NGEF: variants seen among roughly 807,000 people sequenced by gnomAD.
NGEF encodes the protein neuronal guanine nucleotide exchange factor.
In NGEF, 31 loss-of-function variants were observed where a neutral mutation model predicts 80.9. That is an observed-to-expected ratio of 0.38 (90% CI 0.29 to 0.52). The LOEUF (loss-of-function observed/expected upper bound fraction) is 0.52. Among genes scored for constraint, NGEF ranks in the 20% least tolerant of loss-of-function variants. The probability of loss-of-function intolerance (pLI) is 0.84; values close to 1 mark genes in which losing one functional copy is unlikely to be tolerated. For missense variants in NGEF, 709 were observed against 926.2 expected (o/e 0.77, Z 3.04); for synonymous variants, 371 against 370.2 (o/e 1.00, Z -0.03).
chr2:232,906,991 G>A (rs567331965), intron 5 of NGEF, among the ~76,000 whole-genome samples: 12 of 150,672 alleles, frequency 8.0e-5, no homozygotes, highest in African/African-American at 2.2e-4. Flanking sequence ...CAGCATGCTC[G>A]TTAAGAGTCA....
intron 2 of NGEF, among the ~76,000 whole-genome samples, chr2:232,974,208 A>G (rs1574647448): frequency 6.6e-6 from 1 of 152,322 alleles, no homozygotes; most frequent in East Asian, 1.9e-4. Flanking sequence ...ATTTATTTTC[A>G]GAGCAGCAGA....
chr2:232,906,039 CCCGGCCAGCCGCCCCGT>C (rs1331285309), intron 5 of NGEF, among the ~76,000 whole-genome samples: 2 of 129,302 alleles, frequency 1.5e-5, no homozygotes, highest in Non-Finnish European at 3.3e-5. Flanking sequence ...CAGCCCCCCG[CCCGGCCAGCCGCCCCGT>C]CCGGGAGGGA....
chr2:232,965,392 G>A lies in NGEF; in HGVS notation c.383+4822C>T, dbSNP rs969044418. On this transcript the variant is annotated intron_variant, in intron 3 of 14. Coordinates refer to ENST00000264051, the MANE Select transcript of NGEF (RefSeq NM_019850.3). ...ACCAGAGATGCTCAAAATCAGCCGC[G>A]ACACTTTGCATCAGGGACCCAGTAT... 3.3e-5 allele frequency among the ~76,000 whole-genome samples: 5 copies of A among 152,172 alleles called. No homozygotes were observed. The East Asian group carries it at 5.8e-4, about 18-fold the overall frequency.
intron 3 of NGEF, among the ~76,000 whole-genome samples, chr2:232,933,112 A>G (rs1693250599): frequency 5.4e-5 from 1 of 18,662 alleles, no homozygotes; most frequent in Admixed American, 5.5e-4. Context: ...TCCATCTCAA[A>G]AATAAATAAA....
rs1057158243 is a variant in NGEF at position 232,913,649 on chromosome 2, G to A, written c.828+6635C>T. ...TTAAAATAATTTTGTAGCCGGGCGC[G>A]GTGACTCACACCTGTAATCCCAGCA... On this transcript the variant is annotated intron_variant, in intron 5 of 14. Coordinates refer to ENST00000264051, the MANE Select transcript of NGEF (RefSeq NM_019850.3). 4.6e-5 allele frequency among the ~76,000 whole-genome samples: 7 copies of A among 152,052 alleles called. No homozygotes were observed. The East Asian group carries it at 5.8e-4, about 13-fold the overall frequency.
At chr2:233,010,394 G>A (rs544134612) in intron 1 of NGEF, among the ~76,000 whole-genome samples, 10 of 152,174 alleles carry the variant, frequency 6.6e-5, no homozygotes, top group Non-Finnish European at 1.5e-4. Context: ...TTTCAAGGTA[G>A]TAATGCTTGC....
chr2:232,888,885 A>AT (rs1231428696), intron 8 of NGEF, among the ~76,000 whole-genome samples: 1 of 152,212 alleles, frequency 6.6e-6, no homozygotes, highest in Non-Finnish European at 1.5e-5. Flanking sequence ...GTAAATTACG[A>AT]TTTTGACATT....
chr2:232,962,782 T>C (rs551842921), intron 3 of NGEF, among the ~76,000 whole-genome samples: 1 of 151,926 alleles, frequency 6.6e-6, no homozygotes, highest in African/African-American at 2.4e-5. Context: ...AAAGAATATC[T>C]ACATCAATGA....
intron 3 of NGEF, among the ~76,000 whole-genome samples, chr2:232,954,885 G>A (rs1372838232): frequency 6.6e-6 from 1 of 152,124 alleles, no homozygotes. Flanking sequence ...GGGAACAGCA[G>A]GTGCAAAGGG....
intron 8 of NGEF, among the ~76,000 whole-genome samples, chr2:232,888,420 A>G (rs1202531713): frequency 6.6e-6 from 1 of 152,172 alleles, no homozygotes; most frequent in Non-Finnish European, 1.5e-5. Flanking sequence ...GCATGCACAC[A>G]CGTGCATACA....
At chr2:232,916,171 A>G (rs183041513) in intron 5 of NGEF, among the ~76,000 whole-genome samples, 1 of 152,394 alleles carries the variant, frequency 6.6e-6, no homozygotes, top group East Asian at 1.9e-4. Flanking sequence ...TTATCCAAAA[A>G]GAAGATGCCA....
intron 5 of NGEF, among the ~76,000 whole-genome samples, chr2:232,907,135 G>A (rs1433631967): frequency 1.6e-4 from 19 of 118,450 alleles, no homozygotes; most frequent in African/African-American, 5.2e-4. Flanking sequence ...CCCCCTCTGC[G>A]AGAAACACCC....
chr2:232,926,817 A>AGGTTTGCTAATCTCTCC (rs1409688494), intron 4 of NGEF, among the ~76,000 whole-genome samples: 1 of 152,224 alleles, frequency 6.6e-6, no homozygotes, highest in African/African-American at 2.4e-5. Flanking sequence ...CTCCGCAGAG[A>AGGTTTGCTAATCTCTCC]GCAGGACAGA....
intron 1 of NGEF, among the ~76,000 whole-genome samples, chr2:232,996,231 G>A (rs976149176): frequency 3.3e-5 from 5 of 152,128 alleles, no homozygotes; most frequent in African/African-American, 1.2e-4. Flanking sequence ...GGGAGGCTGA[G>A]GCACGAGAAT....
At chr2:232,992,344 A>C (rs1694668398) in intron 1 of NGEF, among the ~76,000 whole-genome samples, 2 of 151,822 alleles carry the variant, frequency 1.3e-5, no homozygotes, top group African/African-American at 4.8e-5. Flanking sequence ...TATCACTTGA[A>C]GTCAGGAGTT....
chr2:232,971,244 T>G (rs1231705032), intron 2 of NGEF, among the ~76,000 whole-genome samples: 1 of 152,116 alleles, frequency 6.6e-6, no homozygotes, highest in African/African-American at 2.4e-5. Flanking sequence ...TTTTGTCTGC[T>G]CCTTCTCTTC....
At chr2:232,936,116 C>T (rs1481643162) in intron 3 of NGEF, among the ~76,000 whole-genome samples, 1 of 152,122 alleles carries the variant, frequency 6.6e-6, no homozygotes, top group Non-Finnish European at 1.5e-5. Context: ...CCACCTCTGT[C>T]GCTGCAGCAG....
chr2:232,953,837 C>T (rs1693736035), intron 3 of NGEF, among the ~76,000 whole-genome samples: 1 of 152,082 alleles, frequency 6.6e-6, no homozygotes, highest in Non-Finnish European at 1.5e-5. Flanking sequence ...GCCGGGGAAG[C>T]GGTGGCTAAA....
In NGEF at chr2:232,891,214, C is replaced by G. The variant is rs1320740769; in HGVS notation, c.1272+144G>C. The G allele has an allele frequency of 4.5e-6, 5 of 1,122,974 alleles. No individual in the cohort carries two copies. The Middle Eastern group carries it at 7.1e-4, about 160-fold the overall frequency. 69.6% of individuals were successfully genotyped at this position (1,122,974 alleles called of 1,614,324 possible). A position where few individuals can be genotyped will look rare whatever the true frequency, so the allele number is the denominator to read the frequency against. ...CCTGGGAGCAGGCGCTGCATCCTCA[C>G]TGCCCAGGAACGTGCTTGGCACACA... On this transcript the variant is annotated intron_variant, in intron 8 of 14. Transcript: ENST00000264051.
Sources: allele counts gnomAD v4.1 joint callset (sites outside exome capture counted in the v4.1 genomes callset), GRCh38; gene constraint gnomAD v4.1.1; transcripts MANE v1.5; gene names NCBI Gene and HGNC (gene_info 2026-07-23, HGNC 2026-07-21).